MED13L: variants seen among roughly 807,000 people sequenced by gnomAD.
MED13L encodes mediator complex subunit 13L, also known as mediator of RNA polymerase II transcription subunit 13-like.
In MED13L, 7 loss-of-function variants were observed where a neutral mutation model predicts 220.9. The ratio of observed to expected loss-of-function variants is 0.03; its 90% CI spans 0.02 to 0.06. The LOEUF (loss-of-function observed/expected upper bound fraction) is 0.06, where lower values mean the gene tolerates loss of function less well. MED13L is among the 10% of genes least tolerant of loss of function. MED13L has a pLI of 1.00. For missense variants in MED13L, 1,965 were observed against 2,760.5 expected, an observed-to-expected ratio of 0.71 and a Z score of 6.46; for synonymous variants, 1,011 against 1,015.2, an observed-to-expected ratio of 1.00 and a Z score of 0.08.
chr12:116,252,805 A>G lies in MED13L; in HGVS notation c.73-15100T>C, dbSNP rs76700708. On this transcript the variant is annotated intron_variant, in intron 1 of 30. Coordinates refer to ENST00000281928, the MANE Select transcript of MED13L (RefSeq NM_015335.5). ...GAACAGACACACTACCAATATCAGG[A>G]AAAAAAAGGGGAGGCATTACCACAC... 2.7e-4 allele frequency among the ~76,000 whole-genome samples: 41 copies of G among 151,798 alleles called. No individual in the cohort carries two copies. The East Asian group carries it at 7.1e-3, about 26-fold the overall frequency.
chr12:116,144,941 T>C (rs1205961634), intron 2 of MED13L, among the ~76,000 whole-genome samples: 2 of 152,238 alleles, frequency 1.3e-5, no homozygotes, highest in Admixed American at 1.3e-4. Context: ...GTTGCTCCAC[T>C]TAATTCATCC....
At chr12:116,031,334 C>T (rs1282705313) in intron 4 of MED13L, among the ~76,000 whole-genome samples, 1 of 151,936 alleles carries the variant, frequency 6.6e-6, no homozygotes, top group Non-Finnish European at 1.5e-5. Flanking sequence ...AATCCAAGCA[C>T]TTTGGGAGGC....
rs537211007 is a variant in MED13L at position 116,184,395 on chromosome 12, A to G, written c.310+53073T>C. Among the ~76,000 whole-genome samples, 3 of 152,346 alleles carry G rather than the reference A, an allele frequency of 2.0e-5. No individual in the cohort carries two copies. The East Asian group carries it at 5.8e-4, about 29-fold the overall frequency. On this transcript the variant is annotated intron_variant, in intron 2 of 30. Coordinates refer to ENST00000281928, the MANE Select transcript of MED13L (RefSeq NM_015335.5). ...TACTTTCAAGAAATGTGGAGTTTGT[A>G]CAACAATGAAGAGAGGGATGTGTTT...
chr12:116,022,751 G>A (rs2137448041), intron 4 of MED13L, 150 bp from the exon 5 acceptor site: 1 of 835,440 alleles, frequency 1.2e-6, no homozygotes, highest in African/African-American at 1.7e-5. Flanking sequence ...TTCTAATTCA[G>A]TATTGACAAA....
At chr12:116,194,323 G>A (rs1320775239) in intron 2 of MED13L, among the ~76,000 whole-genome samples, 2 of 151,878 alleles carry the variant, frequency 1.3e-5, no homozygotes, top group Non-Finnish European at 2.9e-5. Flanking sequence ...GCACCACCAC[G>A]CCCAGCTAAT....
At chr12:115,980,190 A>T (rs1877226369) in intron 23 of MED13L, among the ~76,000 whole-genome samples, 1 of 152,236 alleles carries the variant, frequency 6.6e-6, no homozygotes, top group South Asian at 2.1e-4. Context: ...ATTAAAAACT[A>T]AAAGGGATAC....
At chr12:115,993,063 T>C (rs1878170309) in intron 16 of MED13L, among the ~76,000 whole-genome samples, 1 of 152,082 alleles carries the variant, frequency 6.6e-6, no homozygotes, top group South Asian at 2.1e-4. Context: ...TTATATAGCA[T>C]TTACATTGTA....
Position 115,975,292 on chromosome 12 carries a change from A to C in MED13L, c.5610T>G (p.Ser1870=). ...ACTTCTGTAGTCCAATTTTACGTGC[A>C]GATACTTTACTCCTCCGTGACCTAA... ...LPNRSRRSKV[S]ARKIGLQKLW... The change falls in exon 25 of 31, where the codon TCT becomes TCG. Residue 1870 remains serine (S), a synonymous_variant. Coordinates refer to ENST00000281928, the MANE Select transcript of MED13L (RefSeq NM_015335.5). 1 of 1,614,192 alleles carries C rather than the reference A, an allele frequency of 6.2e-7. No individual in the cohort carries two copies. The highest frequency in any genetic ancestry group is 1.3e-5 in the African/African-American group (1 of 75,066).
intron 2 of MED13L, among the ~76,000 whole-genome samples, chr12:116,123,601 C>T (rs1387689979): frequency 2.0e-5 from 3 of 152,072 alleles, no homozygotes; most frequent in African/African-American, 7.2e-5. Context: ...CAGAAGCTTG[C>T]TACTAAAATT....
intron 2 of MED13L, among the ~76,000 whole-genome samples, chr12:116,185,625 G>A (rs1433449953): frequency 1.3e-5 from 2 of 151,822 alleles, no homozygotes; most frequent in Non-Finnish European, 2.9e-5. Flanking sequence ...TAATTTCTTA[G>A]AAAAATATCA....
intron 1 of MED13L, 62 bp downstream of exon 1, chr12:116,276,998 C>A (rs956376234): frequency 3.3e-6 from 5 of 1,500,630 alleles, no homozygotes; most frequent in Non-Finnish European, 2.7e-6. Context: ...TGGTCGGCGG[C>A]GGAGGTCGGG....
chr12:116,211,305 T>C (rs1565930412), intron 2 of MED13L, among the ~76,000 whole-genome samples: 2 of 152,192 alleles, frequency 1.3e-5, no homozygotes, highest in Non-Finnish European at 2.9e-5. Context: ...AATTTTTCAT[T>C]TTATTTAATT....
At chr12:116,235,227 T>A (rs987354735) in intron 2 of MED13L, among the ~76,000 whole-genome samples, 1 of 152,158 alleles carries the variant, frequency 6.6e-6, no homozygotes, top group Non-Finnish European at 1.5e-5. Flanking sequence ...AATGGACACT[T>A]CATATAAATG....
At chr12:116,053,229 C>T (rs960357518) in intron 4 of MED13L, among the ~76,000 whole-genome samples, 5 of 152,184 alleles carry the variant, frequency 3.3e-5, no homozygotes, top group Admixed American at 1.3e-4. Context: ...GAGTTAAAAA[C>T]ATGAGTAAAA....
chr12:116,277,038 TC>T, intron 1 of MED13L, 21 bp downstream of exon 1: 2 of 788,562 alleles, frequency 2.5e-6, no homozygotes, highest in Non-Finnish European at 4.2e-6. Flanking sequence ...CACAGCCCCC[TC>T]CCCGCAGCCC....
intron 2 of MED13L, among the ~76,000 whole-genome samples, chr12:116,164,658 T>C (rs559087243): frequency 1.3e-5 from 2 of 152,312 alleles, no homozygotes; most frequent in South Asian, 4.1e-4. Flanking sequence ...CACAGCACCA[T>C]GGATTGACCA....
intron 16 of MED13L, among the ~76,000 whole-genome samples, chr12:115,992,465 A>G (rs1878129822): frequency 6.6e-6 from 1 of 152,164 alleles, no homozygotes; most frequent in African/African-American, 2.4e-5. Context: ...TATATATCAT[A>G]TCAAAGTAGT....
At chr12:116,214,905 A>G (rs1593173201) in intron 2 of MED13L, among the ~76,000 whole-genome samples, 1 of 152,336 alleles carries the variant, frequency 6.6e-6, no homozygotes, top group Middle Eastern at 3.4e-3. Context: ...TGATAAATTC[A>G]GGCCACCCTA....
intron 2 of MED13L, among the ~76,000 whole-genome samples, chr12:116,126,019 A>G (rs1174603037): frequency 6.6e-6 from 1 of 152,232 alleles, no homozygotes; most frequent in Non-Finnish European, 1.5e-5. Context: ...AAAACAACCT[A>G]TTGGAAAGCA....
Sources: allele counts gnomAD v4.1 joint callset (sites outside exome capture counted in the v4.1 genomes callset), GRCh38; gene constraint gnomAD v4.1.1; transcripts MANE v1.5; gene names NCBI Gene and HGNC (gene_info 2026-07-23, HGNC 2026-07-21).